The following EIF4G1 variants were observed in gnomAD, a reference collection of about 807,000 sequenced individuals.
EIF4G1 encodes the protein eukaryotic translation initiation factor 4 gamma 1.
In EIF4G1, 4 loss-of-function variants were observed where a neutral mutation model predicts 187.8. The ratio of observed to expected loss-of-function variants is 0.02; its 90% CI spans 0.01 to 0.05. The LOEUF (loss-of-function observed/expected upper bound fraction) is 0.05, where lower values mean the gene tolerates loss of function less well. Among genes scored for constraint, EIF4G1 ranks in the 10% least tolerant of loss-of-function variants. The pLI is 1.00. For missense variants in EIF4G1, 1,647 were observed against 2,081.1 expected (o/e 0.79, Z 4.06); for synonymous variants, 844 against 781.4 (o/e 1.08, Z -1.34).
chr3:184,315,837 C>CCCCCCCCCCCCA lies in EIF4G1; in HGVS notation c.41_42insCCCCCCCCCCCA (p.Pro14_Ser15insProProProGln). On this transcript the variant is annotated inframe_insertion, in exon 3 of 33. Coordinates refer to ENST00000346169, the MANE Select transcript of EIF4G1 (RefSeq NM_198241.3). Reference sequence around the variant, plus strand: ...CAGTCCACAGGCCCCCCACCCGCCCCATCCCCCGGACTCCCACAGGTAATT... The same window carrying CCCCCCCCCCCCA: ...CAGTCCACAGGCCCCCCACCCGCCCCCCCCCCCCCCCAATCCCCCGGACTCCCACAGGTAATT... 1 of 1,519,616 alleles carries CCCCCCCCCCCCA rather than the reference C, an allele frequency of 6.6e-7. No homozygotes were observed. Among genetic ancestry groups the CCCCCCCCCCCCA allele is most frequent in the Non-Finnish European group, 8.9e-7 (1 of 1,118,302 alleles). The allele number at this position is 1,519,616 out of a possible 1,614,324, so 94.1% of individuals were successfully genotyped here. A position where few individuals can be genotyped will look rare whatever the true frequency, so the allele number is the denominator to read the frequency against.
intron 6 of EIF4G1, 75 bp downstream of exon 6, chr3:184,317,891 A>G (rs777871924): frequency 8.9e-7 from 1 of 1,129,612 alleles, no homozygotes; most frequent in Non-Finnish European, 1.3e-6. Context: ...TTTCTAAAGC[A>G]GAAGACCCTT....
In EIF4G1 at chr3:184,319,698, A is replaced by G. The variant is rs760704496; in HGVS notation, c.434A>G (p.Tyr145Cys). Residue 145 changes from tyrosine (Y) to cysteine (C), a missense_variant, in exon 7 of 33, where the codon TAC becomes TGC. Coordinates refer to ENST00000346169, the MANE Select transcript of EIF4G1 (RefSeq NM_198241.3). ...PTEFGTYAGA[Y>C]YPAQGVQQFP... is the part of the protein sequence containing the mutation. The stretch of plus-strand genomic sequence containing the variant: ...TCCCCCCTCCCCCAAGCTGGCGCCT[A>G]CTATCCAGCCCAAGGGGTGCAGCAG... 1 of 1,596,158 alleles carries G rather than the reference A, an allele frequency of 6.3e-7. No homozygotes were observed.
In EIF4G1 at chr3:184,321,827, T is replaced by C. The variant is rs1177240133; in HGVS notation, c.1243T>C (p.Leu415=). 1.3e-5 allele frequency: 21 copies of C among 1,614,032 alleles called. No individual in the cohort carries two copies. The highest frequency in any genetic ancestry group is 9.9e-5 in the South Asian group (9 of 91,092). Residue 415 remains leucine, a synonymous_variant, in exon 10 of 33, where the codon TTA becomes CTA. Transcript: ENST00000346169. ...AGCCCCCTCGCCACCAGCTGTGGAC[T>C]TAAGCCCAGTCAGTGAGCCAGAGGA... ...NGAPSPPAVD[L]SPVSEPEEQA... is the part of the protein sequence containing the mutation.
At chr3:184,331,177 G>A in intron 28 of EIF4G1, 89 bp from the exon 29 acceptor site, 2 of 1,392,504 alleles carry the variant, frequency 1.4e-6, no homozygotes, top group Non-Finnish European at 1.0e-6. Flanking sequence ...TAGGCTTTCA[G>A]TAAATATTTG....
At position 184,326,534 on chromosome 3, in the gene EIF4G1, C is replaced by T; in HGVS notation, c.3230C>T (p.Ser1077Phe). 6.2e-7 allele frequency: 1 copy of T among 1,613,958 alleles called. No individual in the cohort carries two copies. Among genetic ancestry groups the T allele is most frequent in the East Asian group, 2.2e-5 (1 of 44,884 alleles). ...TCCCCTTTTCTTCTTCAGCCTGGCT[C>T]CATCGATTCTAACAACCAGCTCTTT... ...SRLTKITKPG[S>F]IDSNNQLFAP... The change falls in exon 22 of 33, where the codon TCC becomes TTC. Residue 1077 changes from serine to phenylalanine, a missense_variant. By Grantham distance (155) the Ser-to-Phe change is radical (BLOSUM62 -2). Coordinates refer to ENST00000346169, the MANE Select transcript of EIF4G1 (RefSeq NM_198241.3).
chr3:184,331,145 T>A, intron 28 of EIF4G1, 121 bp from the exon 29 acceptor site: 1 of 1,069,542 alleles, frequency 9.3e-7, no homozygotes, highest in Non-Finnish European at 1.5e-6. Flanking sequence ...TATAGCATCC[T>A]TAATGCCTAG....
At position 184,317,753 on chromosome 3, in the gene EIF4G1, C is replaced by T. The variant is rs994503850; in HGVS notation, c.361C>T (p.Pro121Ser). The change falls in exon 6 of 33, where the codon CCT becomes TCT. Residue 121 changes from proline (P) to serine (S), a missense_variant. By Grantham distance (74) the Pro-to-Ser change is moderately conservative. Transcript: ENST00000346169. ...STYVVPTQQY[P>S]VQPGAPGFYP... is the part of the protein sequence containing the mutation. ...ATACGTTGTCCCGACACAGCAGTAC[C>T]CTGTGCAGCCAGGAGCCCCAGGCTT... 12 of 1,614,004 alleles carry T rather than the reference C, an allele frequency of 7.4e-6. No homozygotes were observed. Among genetic ancestry groups the T allele is most frequent in the East Asian group, 4.5e-5 (2 of 44,896 alleles).
Position 184,334,602 on chromosome 3 carries a change from T to G in EIF4G1, c.4619-125T>G. 3.6e-6 allele frequency: 4 copies of G among 1,110,452 alleles called. No homozygotes were observed. The highest frequency in any genetic ancestry group is 5.4e-6 in the Non-Finnish European group (4 of 743,246). 68.8% of individuals were successfully genotyped at this position (1,110,452 alleles called of 1,614,324 possible). On this transcript the variant is annotated intron_variant, in intron 32 of 32. Coordinates refer to ENST00000346169, the MANE Select transcript of EIF4G1 (RefSeq NM_198241.3). This position sits in a 1 kb window ranked among gnomAD's most constrained non-coding sequence, Gnocchi z 5.8. Reference sequence around the variant, plus strand: ...TGTCAGAGGCCTAGTCACTCTGGAATGGCCACAAATGTCAGGCTGGTGCAT... The same window carrying G: ...TGTCAGAGGCCTAGTCACTCTGGAAGGGCCACAAATGTCAGGCTGGTGCAT...
In EIF4G1 at chr3:184,331,593, T is replaced by A; in HGVS notation, c.4382T>A (p.Phe1461Tyr). The change falls in exon 30 of 33, where the codon TTC becomes TAC. Residue 1461 changes from phenylalanine (F) to tyrosine (Y), a missense_variant. By Grantham distance (22) the Phe-to-Tyr change is conservative. Transcript: ENST00000346169. ...GAGGGCAGCAGTAACCAGCGGGTGT[T>A]CGACTGGATAGAGGTAGGTTTCTCC... ...LKEGSSNQRV[F>Y]DWIEANLSEQ... 1 of 1,604,318 alleles carries A rather than the reference T, an allele frequency of 6.2e-7. No individual in the cohort carries two copies. Among genetic ancestry groups the A allele is most frequent in the Non-Finnish European group, 8.5e-7 (1 of 1,178,986 alleles).
At chr3:184,326,049 T>G (rs1724826749) in intron 21 of EIF4G1, 98 bp downstream of exon 21, 1 of 1,291,084 alleles carries the variant, frequency 7.7e-7, no homozygotes, top group East Asian at 2.3e-5. Context: ...ATGTTTCCTC[T>G]TAGACTAACT....
At chr3:184,316,932 A>C (rs1722902487) in intron 4 of EIF4G1, among the ~76,000 whole-genome samples, 1 of 152,010 alleles carries the variant, frequency 6.6e-6, no homozygotes, top group African/African-American at 2.4e-5. Flanking sequence ...ATGCTGTTGC[A>C]TGTTATGGTT....
In EIF4G1 at chr3:184,321,331, C is replaced by T. The variant is rs1650740182; in HGVS notation, c.747C>T (p.Gly249=). Residue 249 remains glycine (G), a synonymous_variant, in exon 10 of 33, where the codon GGC becomes GGT. Transcript: ENST00000346169. Reference sequence around the variant, plus strand: ...TTGCTGACCGGCCAGGGCTGCCTGGCCCAGAGCATAGCCCTTCAGAATCCC... The same window carrying T: ...TTGCTGACCGGCCAGGGCTGCCTGGTCCAGAGCATAGCCCTTCAGAATCCC... ...AIIADRPGLP[G]PEHSPSESQP... The T allele has an allele frequency of 1.2e-6, 2 of 1,614,108 alleles. No individual in the cohort carries two copies. Among genetic ancestry groups the T allele is most frequent in the Non-Finnish European group, 1.7e-6 (2 of 1,180,018 alleles).
chr3:184,315,123 A>G (rs1722501316), intron 1 of EIF4G1: 15 of 333,680 alleles, frequency 4.5e-5, no homozygotes, highest in South Asian at 3.0e-4. Context: ...GGCGGCGGGC[A>G]GGGAGGAGCC....
chr3:184,329,114 A>G lies in EIF4G1; in HGVS notation c.4161+124A>G, dbSNP rs1318224008. The stretch of plus-strand genomic sequence containing the variant: ...ATGGTGATGACAGGATTGTGTTGGT[A>G]CCTGGGAGAGGAAATACTGAGGTGG... On this transcript the variant is annotated intron_variant, in intron 28 of 32. Coordinates refer to ENST00000346169, the MANE Select transcript of EIF4G1 (RefSeq NM_198241.3). 5 of 1,193,956 alleles carry G rather than the reference A, an allele frequency of 4.2e-6. No homozygotes were observed. In the East Asian group the frequency reaches 7.4e-5, roughly 18 times the overall value. 74.0% of individuals were successfully genotyped at this position (1,193,956 alleles called of 1,614,324 possible). A position where few individuals can be genotyped will look rare whatever the true frequency, so the allele number is the denominator to read the frequency against.
At chr3:184,320,540 G>C in intron 7 of EIF4G1, 90 bp from the exon 8 acceptor site, 1 of 1,607,098 alleles carries the variant, frequency 6.2e-7, no homozygotes. Context: ...GCTGGGGGGT[G>C]GGGAGTTGGC....
Position 184,321,816 on chromosome 3 carries a change from C to T in EIF4G1, c.1232C>T (p.Pro411Leu). The stretch of plus-strand genomic sequence containing the variant: ...CTGCTCAACGGAGCCCCCTCGCCAC[C>T]AGCTGTGGACTTAAGCCCAGTCAGT... Reference protein sequence around the residue: ...EELLNGAPSPPAVDLSPVSEP... With the variant: ...EELLNGAPSPLAVDLSPVSEP... Residue 411 changes from proline to leucine, a missense_variant, in exon 10 of 33, where the codon CCA becomes CTA. Coordinates refer to ENST00000346169, the MANE Select transcript of EIF4G1 (RefSeq NM_198241.3). The T allele has an allele frequency of 3.7e-6, 6 of 1,614,096 alleles. No individual in the cohort carries two copies. The highest frequency in any genetic ancestry group is 5.1e-6 in the Non-Finnish European group (6 of 1,179,938).
At chr3:184,327,163 C>T (rs998991976) in intron 23 of EIF4G1, 53 bp from the exon 24 acceptor site, 1 of 1,604,958 alleles carries the variant, frequency 6.2e-7, no homozygotes, top group Non-Finnish European at 8.5e-7. Context: ...TGTGTAATTA[C>T]ATGAGTGCCT....
At position 184,320,989 on chromosome 3, in the gene EIF4G1, G is replaced by A; in HGVS notation, c.693G>A (p.Arg231=). The change falls in exon 9 of 33, where the codon CGG becomes CGA. Residue 231 remains arginine (R), a synonymous_variant. Transcript: ENST00000346169. ...CGCCCCAGGTTGCTGTCATTGTCCG[G>A]CCAGGTAAGTAAGCCGGTGGGACGG... is the stretch of plus-strand genomic sequence containing the variant. ...GETPQVAVIV[R]PDDRSQGAII... is the part of the protein sequence containing the mutation. 2 of 1,613,866 alleles carry A rather than the reference G, an allele frequency of 1.2e-6. No individual in the cohort carries two copies. Among genetic ancestry groups the A allele is most frequent in the Non-Finnish European group, 1.7e-6 (2 of 1,179,972 alleles).
chr3:184,328,526 A>G, intron 26 of EIF4G1, 105 bp from the exon 27 acceptor site: 3 of 1,520,942 alleles, frequency 2.0e-6, no homozygotes, highest in Non-Finnish European at 2.7e-6. Context: ...TGTCTAGAAA[A>G]TGTTCCTGGG....
Sources: allele counts gnomAD v4.1 joint callset (sites outside exome capture counted in the v4.1 genomes callset), GRCh38; gene constraint gnomAD v4.1.1; non-coding constraint Gnocchi (gnomAD v3.1); transcripts MANE v1.5; gene names NCBI Gene and HGNC (gene_info 2026-07-23, HGNC 2026-07-21).